The following CCDC9 variants were observed in gnomAD, a reference collection of about 807,000 sequenced individuals.
CCDC9 encodes the protein coiled-coil domain-containing protein 9.
CCDC9 carries 52 observed loss-of-function variants against 65.6 expected under a neutral mutation model. The observed-to-expected ratio is 0.79, with a 90% CI of 0.63 to 1.00. The LOEUF is 1.00. Among genes scored for constraint, CCDC9 ranks in the 50% least tolerant of loss-of-function variants. CCDC9 has a pLI of 0.00. For synonymous variants in CCDC9, 332 were observed against 280.3 expected (o/e 1.18, Z -1.84); for missense variants, 834 against 757.2 (o/e 1.10, Z -1.19).
rs2059085490 is a variant in CCDC9 at position 47,266,816 on chromosome 19, C to T, written c.902+24C>T. On this transcript the variant is annotated intron_variant, in intron 8 of 11. Transcript: ENST00000221922. ...ATGTGAGTCTCCTCCCCGCTCCTCT[C>T]CCCATGTGGCACGTTGACCTTGGCC... 3.1e-6 allele frequency: 5 copies of T among 1,587,850 alleles called. No homozygotes were observed. In the African/African-American group the frequency reaches 4.0e-5, roughly 13 times the overall value.
intron 8 of CCDC9, among the ~76,000 whole-genome samples, chr19:47,268,936 T>A (rs1052492923): frequency 5.3e-5 from 8 of 150,122 alleles, no homozygotes; most frequent in Non-Finnish European, 7.4e-5. Flanking sequence ...ATAATAATAA[T>A]AATAATAATG....
Position 47,264,594 on chromosome 19 carries a change from T to TC in CCDC9, c.463-3dup, listed in dbSNP as rs1034832430. ...CTGAAGCTGGGTGTCCCTATCTTTA[T>TC]CCCCCCAGGAGTGGGAGGAGCGGCG... On this transcript the variant is annotated splice_polypyrimidine_tract_variant and intron_variant, in intron 5 of 11. Coordinates refer to ENST00000221922, the MANE Select transcript of CCDC9 (RefSeq NM_015603.3). The TC allele has an allele frequency of 3.2e-6, 5 of 1,585,630 alleles. No homozygotes were observed. The highest frequency in any genetic ancestry group is 1.8e-5 in the Admixed American group (1 of 55,712).
downstream of CCDC9, among the ~76,000 whole-genome samples, chr19:47,272,647 C>CTA (rs1273808847): frequency 1.3e-5 from 2 of 152,140 alleles, no homozygotes; most frequent in Non-Finnish European, 2.9e-5. Context: ...CGTTGGTGTA[C>CTA]TAGGGCAGGA....
intron 8 of CCDC9, 127 bp downstream of exon 8, chr19:47,266,919 C>A: frequency 1.8e-6 from 2 of 1,137,714 alleles, no homozygotes; most frequent in Non-Finnish European, 2.4e-6. Context: ...TCCTGAGATG[C>A]CATGGACCAG....
chr19:47,266,825 G>T, intron 8 of CCDC9, 33 bp downstream of exon 8: 1 of 1,579,046 alleles, frequency 6.3e-7, no homozygotes, highest in Non-Finnish European at 8.6e-7. Context: ...TCCCCATGTG[G>T]CACGTTGACC....
At chr19:47,264,115 A>T (rs958130792) in intron 5 of CCDC9, among the ~76,000 whole-genome samples, 48 of 150,236 alleles carry the variant, frequency 3.2e-4, no homozygotes, top group Non-Finnish European at 3.0e-5. Flanking sequence ...TCCTGACCTC[A>T]GGTGATCCAC....
At chr19:47,266,570 G>T in intron 7 of CCDC9, 41 bp from the exon 8 acceptor site, 4 of 1,480,334 alleles carry the variant, frequency 2.7e-6, no homozygotes, top group Non-Finnish European at 2.7e-6. Context: ...GCGGGGTAGG[G>T]TGCGGGACAT....
At chr19:47,261,017 C>G (rs1016892679) in intron 5 of CCDC9, among the ~76,000 whole-genome samples, 178 bp downstream of exon 5, 8 of 152,014 alleles carry the variant, frequency 5.3e-5, no homozygotes, top group Admixed American at 1.3e-4. Context: ...TCCTGCTCCC[C>G]CTCTTCTAGT....
At chr19:47,260,950 C>A in intron 5 of CCDC9, 111 bp downstream of exon 5, 1 of 1,247,048 alleles carries the variant, frequency 8.0e-7, no homozygotes, top group South Asian at 1.5e-5. Context: ...TTCAGTATCT[C>A]TCTCTGAGCC....
At position 47,258,678 on chromosome 19, in the gene CCDC9, C is replaced by T. The variant is rs1438560456; in HGVS notation, c.108+15C>T. The stretch of plus-strand genomic sequence containing the variant: ...GGCGCTACCAGGTGCCCTAGCCCCG[C>T]CCTGGGAGACCCCATCCCCTCTCTT... On this transcript the variant is annotated intron_variant, in intron 3 of 11. Transcript: ENST00000221922. The T allele has an allele frequency of 3.2e-6, 5 of 1,581,976 alleles. No homozygotes were observed. The highest frequency in any genetic ancestry group is 2.2e-5 in the South Asian group (2 of 90,474).
At chr19:47,265,448 C>G (rs1170018624) in intron 7 of CCDC9, among the ~76,000 whole-genome samples, 3 of 152,070 alleles carry the variant, frequency 2.0e-5, no homozygotes, top group African/African-American at 7.2e-5. Context: ...TATGAGGCAC[C>G]TACCACATGG....
chr19:47,265,674 G>A (rs1404593218), intron 7 of CCDC9, among the ~76,000 whole-genome samples: 2 of 151,806 alleles, frequency 1.3e-5, no homozygotes, highest in Non-Finnish European at 2.9e-5. Flanking sequence ...ACTGTTTTAG[G>A]TGCTGAGGAT....
chr19:47,267,690 G>T (rs1334574856), intron 8 of CCDC9, among the ~76,000 whole-genome samples: 3 of 152,158 alleles, frequency 2.0e-5, no homozygotes, highest in African/African-American at 7.2e-5. Flanking sequence ...CCCTCCAGTG[G>T]ATAGGAACAC....
downstream of CCDC9, chr19:47,275,245 T>G: frequency 6.5e-7 from 1 of 1,537,100 alleles, no homozygotes; most frequent in Non-Finnish European, 8.8e-7. Context: ...CAGCTCCAGC[T>G]GCCGCTGAGC....
chr19:47,271,026 C>G (rs1250119106), intron 10 of CCDC9, 56 bp from the exon 11 acceptor site: 2 of 1,296,010 alleles, frequency 1.5e-6, no homozygotes, highest in Non-Finnish European at 2.1e-6. Context: ...GGCAGGAAGC[C>G]CCTTCCTCCT....
intron 8 of CCDC9, among the ~76,000 whole-genome samples, chr19:47,267,881 A>G (rs780120233): frequency 1.6e-4 from 24 of 149,586 alleles, no homozygotes; most frequent in Admixed American, 8.7e-4. Flanking sequence ...GGAGTCTCGC[A>G]CTGTTGCCGG....
rs552367352 is a variant in CCDC9, at chr19:47,266,581, C to T, written c.721-30C>T. ...AGGGGCGGGGTAGGGTGCGGGACAT[C>T]ACCCTGACTCCCTGTGGGCTGGGGG... is the stretch of plus-strand genomic sequence containing the variant. On this transcript the variant is annotated intron_variant, in intron 7 of 11. Transcript: ENST00000221922. 162 of 1,489,004 alleles carry T rather than the reference C, an allele frequency of 1.1e-4. 3 individuals are homozygous for T. The South Asian group carries it at 1.8e-3, about 16-fold the overall frequency. The allele number at this position is 1,489,004 out of a possible 1,614,324, so 92.2% of individuals were successfully genotyped here.
rs186633401 is a variant in CCDC9 at position 47,268,715 on chromosome 19, A to G, written c.903-1692A>G. Among the ~76,000 whole-genome samples, 19 of 151,906 alleles carry G rather than the reference A, an allele frequency of 1.3e-4. No homozygotes were observed. In the East Asian group the frequency reaches 3.3e-3, roughly 26 times the overall value. On this transcript the variant is annotated intron_variant, in intron 8 of 11. Coordinates refer to ENST00000221922, the MANE Select transcript of CCDC9 (RefSeq NM_015603.3). ...GGTGGATCACGAGGTCAGGAGATCAAAACCATCCTGGCTAACACGGTGAAA... is the reference window on the plus strand; with the variant it reads ...GGTGGATCACGAGGTCAGGAGATCAGAACCATCCTGGCTAACACGGTGAAA...
intron 5 of CCDC9, 145 bp downstream of exon 5, chr19:47,260,984 C>T (rs1482705252): frequency 1.1e-6 from 1 of 906,144 alleles, no homozygotes; most frequent in Non-Finnish European, 1.6e-6. Context: ...CTGTTTCTCT[C>T]TTCCTCCACC....
Sources: gnomAD v4.1 joint callset for allele counts (sites outside exome capture counted in the v4.1 genomes callset) on GRCh38, gnomAD v4.1.1 for gene constraint, MANE v1.5 for transcripts, NCBI Gene and HGNC (gene_info 2026-07-23, HGNC 2026-07-21) for gene names.